FGF9: variants seen among roughly 807,000 people sequenced by gnomAD.
The protein encoded by FGF9 is fibroblast growth factor 9, also known as fibroblast growth factor 9 (glia-activating factor).
A neutral mutation model predicts 19.9 loss-of-function variants in FGF9; 3 were observed. The ratio of observed to expected loss-of-function variants is 0.15; its 90% CI spans 0.07 to 0.39. The LOEUF (loss-of-function observed/expected upper bound fraction) is 0.39. Among genes scored for constraint, FGF9 ranks in the 10% least tolerant of loss-of-function variants. The probability of loss-of-function intolerance (pLI) is 1.00; values close to 1 mark genes in which losing one functional copy is unlikely to be tolerated. For synonymous variants in FGF9, 107 were observed against 106.9 expected, an observed-to-expected ratio of 1.00 and a Z score of -0.01; for missense variants, 175 against 256.8, an observed-to-expected ratio of 0.68 and a Z score of 2.18.
At chr13:21,693,409 G>A (rs938837595) in intron 2 of FGF9, among the ~76,000 whole-genome samples, 9 of 152,074 alleles carry the variant, frequency 5.9e-5, no homozygotes, top group Non-Finnish European at 1.2e-4. Flanking sequence ...ATGGGCATCC[G>A]CTGTGGGTAT....
At position 21,703,253 on chromosome 13, in the gene FGF9, T is replaced by C. The variant is rs1872587363; in HGVS notation, c.*1818T>C. The C allele has an allele frequency of 6.6e-6, 1 of 152,222 alleles. No individual in the cohort carries two copies. Among genetic ancestry groups the C allele is most frequent in the Admixed American group, 6.5e-5 (1 of 15,270 alleles). The allele number at this position is 152,222 out of a possible 1,614,324, so 9.4% of individuals were successfully genotyped here. ...AAACTTTATTTTGCTCTGATGCACATTCTCTATGAAAAATAAAAGTGTGTC... is the reference window on the plus strand; with the variant it reads ...AAACTTTATTTTGCTCTGATGCACACTCTCTATGAAAAATAAAAGTGTGTC... On this transcript the variant is annotated 3_prime_UTR_variant, in exon 3 of 3. Transcript: ENST00000382353.
Position 21,681,047 on chromosome 13 carries a change from C to G in FGF9, c.283C>G (p.Leu95Val), listed in dbSNP as rs776951218. Residue 95 changes from leucine to valine, a missense_variant, in exon 2 of 3, where the codon CTG (leucine) becomes GTG (valine). Coordinates refer to ENST00000382353, the MANE Select transcript of FGF9 (RefSeq NM_002010.3). ...TRKDHSRFGI[L>V]EFISIAVGLV... ...CTTCTACCCTTTGTCTACAGGCATTCTGGAATTTATCAGTATAGCAGTGGG... is the reference window on the plus strand; with the variant it reads ...CTTCTACCCTTTGTCTACAGGCATTGTGGAATTTATCAGTATAGCAGTGGG... The G allele has an allele frequency of 8.7e-5, 141 of 1,612,570 alleles. No individual in the cohort carries two copies. The highest frequency in any genetic ancestry group is 1.2e-4 in the Non-Finnish European group (136 of 1,178,826).
At chr13:21,697,502 G>C (rs138716987) in intron 2 of FGF9, among the ~76,000 whole-genome samples, 2 of 152,238 alleles carry the variant, frequency 1.3e-5, no homozygotes, top group East Asian at 3.9e-4. Flanking sequence ...ATGTGTGTGC[G>C]TGAACGATGC....
intron 2 of FGF9, among the ~76,000 whole-genome samples, chr13:21,689,156 G>A (rs1310254347): frequency 6.6e-6 from 1 of 152,110 alleles, no homozygotes; most frequent in Non-Finnish European, 1.5e-5. Flanking sequence ...TCTTTCCCAC[G>A]CTGGATTTTA....
At position 21,697,232 on chromosome 13, in the gene FGF9, A is replaced by AC. The variant is rs538479672; in HGVS notation, c.382-3957dup. ...TAGTGCAGTGTCACAATCACGGCTC[A>AC]CTGCAGCCTCGACTCAAGTGACCTT... On this transcript the variant is annotated intron_variant, in intron 2 of 2. Coordinates refer to ENST00000382353, the MANE Select transcript of FGF9 (RefSeq NM_002010.3). Among the ~76,000 whole-genome samples, 21 of 152,298 alleles carry AC rather than the reference A, an allele frequency of 1.4e-4. No homozygotes were observed. The East Asian group carries it at 3.7e-3, about 27-fold the overall frequency.
Position 21,701,533 on chromosome 13 carries a change from C to T in FGF9, c.*98C>T. The T allele has an allele frequency of 2.0e-6, 3 of 1,530,792 alleles. No individual in the cohort carries two copies. The highest frequency in any genetic ancestry group is 2.7e-6 in the Non-Finnish European group (3 of 1,106,886). The allele number at this position is 1,530,792 out of a possible 1,614,324, so 94.8% of individuals were successfully genotyped here. On this transcript the variant is annotated 3_prime_UTR_variant, in exon 3 of 3. Coordinates refer to ENST00000382353, the MANE Select transcript of FGF9 (RefSeq NM_002010.3). ...GATTCGCTGTGTCATCACATCAGCT[C>T]CACTGTTGCCAAACTTTGTCGCATG...
At chr13:21,699,132 G>A (rs561554471) in intron 2 of FGF9, among the ~76,000 whole-genome samples, 2 of 152,332 alleles carry the variant, frequency 1.3e-5, no homozygotes, top group African/African-American at 4.8e-5. Flanking sequence ...TGCCCCAGAA[G>A]AGCACCCCTC....
At position 21,701,539 on chromosome 13, in the gene FGF9, T is replaced by C; in HGVS notation, c.*104T>C. On this transcript the variant is annotated 3_prime_UTR_variant, in exon 3 of 3. Coordinates refer to ENST00000382353, the MANE Select transcript of FGF9 (RefSeq NM_002010.3). The stretch of plus-strand genomic sequence containing the variant: ...CTGTGTCATCACATCAGCTCCACTG[T>C]TGCCAAACTTTGTCGCATGCATAAT... 2 of 1,492,976 alleles carry C rather than the reference T, an allele frequency of 1.3e-6. No individual in the cohort carries two copies. The highest frequency in any genetic ancestry group is 1.1e-5 in the South Asian group (1 of 87,342). The allele number at this position is 1,492,976 out of a possible 1,614,324, so 92.5% of individuals were successfully genotyped here. A position where few individuals can be genotyped will look rare whatever the true frequency, so the allele number is the denominator to read the frequency against.
intron 1 of FGF9, among the ~76,000 whole-genome samples, chr13:21,680,551 C>T (rs964098861): frequency 2.0e-5 from 3 of 151,870 alleles, no homozygotes; most frequent in African/African-American, 7.3e-5. Context: ...TACTTAACTT[C>T]ATGTTTATAA....
chr13:21,697,181 A>C (rs987263055), intron 2 of FGF9, among the ~76,000 whole-genome samples: 1 of 152,212 alleles, frequency 6.6e-6, no homozygotes, highest in Admixed American at 6.5e-5. Context: ...TTTTAGAGAC[A>C]GGGTCTCACT....
intron 1 of FGF9, among the ~76,000 whole-genome samples, chr13:21,675,153 G>A (rs1871880717): frequency 6.6e-6 from 1 of 152,074 alleles, no homozygotes; most frequent in South Asian, 2.1e-4. Flanking sequence ...GTCGGCCGAG[G>A]GGGAAGGGCG....
In FGF9 at chr13:21,696,281, G is replaced by A. The variant is rs183418642; in HGVS notation, c.382-4909G>A. Among the ~76,000 whole-genome samples, 9 of 152,252 alleles carry A rather than the reference G, an allele frequency of 5.9e-5. No individual in the cohort carries two copies. In the East Asian group the frequency reaches 1.5e-3, roughly 26 times the overall value. ...TAATTTCAGTTTTTCCCACCGCTTG[G>A]AATTTGATGATATAAAATGAAAAGA... is the stretch of plus-strand genomic sequence containing the variant. On this transcript the variant is annotated intron_variant, in intron 2 of 2. Coordinates refer to ENST00000382353, the MANE Select transcript of FGF9 (RefSeq NM_002010.3).
chr13:21,680,202 T>C (rs1872010749), intron 1 of FGF9, among the ~76,000 whole-genome samples: 2 of 152,220 alleles, frequency 1.3e-5, no homozygotes, highest in African/African-American at 4.8e-5. Flanking sequence ...TCAAGAGCAG[T>C]ATTTATCTCT....
rs17070402 is a variant in FGF9, at chr13:21,690,081, G to C, written c.381+8936G>C. Among the ~76,000 whole-genome samples, 357 of 152,316 alleles carry C rather than the reference G, an allele frequency of 2.3e-3. 4 individuals are homozygous for C. Among genetic ancestry groups the C allele is most frequent in the African/African-American group, 8.3e-3 (344 of 41,566 alleles). ...GAGCTTCCTACTTCTCTCCAGGGTAGCGTAGTCTCTCTGGGTTCCCTGAGT... is the reference window on the plus strand; with the variant it reads ...GAGCTTCCTACTTCTCTCCAGGGTACCGTAGTCTCTCTGGGTTCCCTGAGT... On this transcript the variant is annotated intron_variant, in intron 2 of 2. Coordinates refer to ENST00000382353, the MANE Select transcript of FGF9 (RefSeq NM_002010.3).
At chr13:21,701,166 C>T (rs781152657) in intron 2 of FGF9, 24 bp from the exon 3 acceptor site, 7 of 1,607,086 alleles carry the variant, frequency 4.4e-6, no homozygotes, top group Middle Eastern at 1.6e-4. Context: ...TTTCCTAATG[C>T]TCTCCCTCTT....
intron 2 of FGF9, among the ~76,000 whole-genome samples, chr13:21,699,767 A>C (rs966901827): frequency 6.6e-6 from 1 of 152,184 alleles, no homozygotes; most frequent in Admixed American, 6.5e-5. Flanking sequence ...GACAGAAACG[A>C]ATGTCCTTAT....
At chr13:21,692,244 T>C (rs1480739547) in intron 2 of FGF9, among the ~76,000 whole-genome samples, 1 of 152,220 alleles carries the variant, frequency 6.6e-6, no homozygotes, top group African/African-American at 2.4e-5. Flanking sequence ...GCTCTATTCC[T>C]TTCTTTCTCC....
At chr13:21,698,139 G>A (rs952392856) in intron 2 of FGF9, among the ~76,000 whole-genome samples, 1 of 152,184 alleles carries the variant, frequency 6.6e-6, no homozygotes, top group Non-Finnish European at 1.5e-5. Flanking sequence ...TATGCTTAGT[G>A]AAAAGTGAAA....
chr13:21,697,570 A>G (rs1026259319), intron 2 of FGF9, among the ~76,000 whole-genome samples: 7 of 152,290 alleles, frequency 4.6e-5, no homozygotes, highest in African/African-American at 1.4e-4. Flanking sequence ...AGGTCAGTTC[A>G]ATTTCTTAGC....
Sources: allele counts gnomAD v4.1 joint callset (sites outside exome capture counted in the v4.1 genomes callset), GRCh38; gene constraint gnomAD v4.1.1; transcripts MANE v1.5; gene names NCBI Gene and HGNC (gene_info 2026-07-23, HGNC 2026-07-21).